Variants in GRM7 observed in about 807,000 individuals in gnomAD.
GRM7 encodes glutamate metabotropic receptor 7, also known as metabotropic glutamate receptor 7.
In GRM7, 35 loss-of-function variants were observed where a neutral mutation model predicts 84.5. The ratio of observed to expected loss-of-function variants is 0.41; its 90% CI spans 0.32 to 0.55. GRM7 has a LOEUF of 0.55. Among genes scored for constraint, GRM7 ranks in the 20% least tolerant of loss-of-function variants. GRM7 has a pLI of 0.19. For synonymous variants in GRM7, 487 were observed against 455.1 expected (o/e 1.07, Z -0.89); for missense variants, 1,003 against 1,194.6 (o/e 0.84, Z 2.36).
intron 1 of GRM7, among the ~76,000 whole-genome samples, chr3:6,887,401 C>T (rs1695740333): frequency 6.6e-6 from 1 of 151,370 alleles, no homozygotes; most frequent in African/African-American, 2.4e-5. Context: ...CCACAACAGT[C>T]CACAGAGTGT....
intron 8 of GRM7, among the ~76,000 whole-genome samples, chr3:7,653,161 C>T (rs928412843): frequency 7.2e-6 from 1 of 139,046 alleles, no homozygotes; most frequent in African/African-American, 2.8e-5. Flanking sequence ...TAGCACTTTC[C>T]ATTGTAACAT....
intron 9 of GRM7, among the ~76,000 whole-genome samples, chr3:7,691,559 T>G (rs549400380): frequency 6.6e-6 from 1 of 152,182 alleles, no homozygotes; most frequent in Non-Finnish European, 1.5e-5. Context: ...TGGCATGAGA[T>G]TCTGTATATG....
chr3:7,131,669 G>C (rs906461289), intron 1 of GRM7, among the ~76,000 whole-genome samples: 2 of 142,026 alleles, frequency 1.4e-5, no homozygotes, highest in Non-Finnish European at 3.1e-5. Flanking sequence ...AGTAGAGATG[G>C]GGTTTCACCA....
intron 7 of GRM7, among the ~76,000 whole-genome samples, chr3:7,476,891 G>C (rs1698943431): frequency 6.6e-6 from 1 of 152,110 alleles, no homozygotes; most frequent in Non-Finnish European, 1.5e-5. Context: ...CCACCAAACT[G>C]AATACTGGCC....
rs1699003262 is a variant in GRM7, at chr3:7,652,737, C to T, written c.2452-27312C>T. On this transcript the variant is annotated intron_variant, in intron 8 of 9. Coordinates refer to ENST00000357716, the MANE Select transcript of GRM7 (RefSeq NM_000844.4). ...CATGCCAGTCAAAATAAGCAAAACC[C>T]ATTTCAGTAAATTTACAGAAATTAT... Among the ~76,000 whole-genome samples, 3 of 152,180 alleles carry T rather than the reference C, an allele frequency of 2.0e-5. No individual in the cohort carries two copies. The South Asian group carries it at 6.2e-4, about 32-fold the overall frequency.
At chr3:7,270,780 A>G (rs910002676) in intron 2 of GRM7, among the ~76,000 whole-genome samples, 1 of 152,246 alleles carries the variant, frequency 6.6e-6, no homozygotes, top group Non-Finnish European at 1.5e-5. Context: ...GTCAATTTCT[A>G]TCCAAAGTAA....
intron 1 of GRM7, among the ~76,000 whole-genome samples, chr3:6,871,909 C>T (rs1695134937): frequency 6.6e-6 from 1 of 151,886 alleles, no homozygotes; most frequent in Non-Finnish European, 1.5e-5. Context: ...GTAGAGTTGG[C>T]ATAATAAAAT....
chr3:7,008,189 T>C (rs990794803), intron 1 of GRM7, among the ~76,000 whole-genome samples: 1 of 152,152 alleles, frequency 6.6e-6, no homozygotes, highest in Non-Finnish European at 1.5e-5. Flanking sequence ...GGATGAATTT[T>C]CTCATTGTGT....
Position 6,861,481 on chromosome 3 carries a change from G to A in GRM7, c.93G>A (p.Ala31=). The A allele has an allele frequency of 1.9e-6, 3 of 1,581,662 alleles. No individual in the cohort carries two copies. Among genetic ancestry groups the A allele is most frequent in the Non-Finnish European group, 2.6e-6 (3 of 1,167,380 alleles). Residue 31 remains alanine (A), a synonymous_variant, in exon 1 of 10, where the codon GCG becomes GCA. Coordinates refer to ENST00000357716, the MANE Select transcript of GRM7 (RefSeq NM_000844.4). This position sits in a 1 kb window ranked among gnomAD's most constrained non-coding sequence, Gnocchi z 6.4. ...LEVLLCALAA[A]ARGQEMYAPH... is the part of the protein sequence containing the mutation. ...TGCTCCTGTGCGCGCTGGCGGCGGC[G>A]GCGCGCGGCCAGGAGATGTACGCCC...
chr3:7,308,580 T>C (rs1700278302), intron 4 of GRM7, among the ~76,000 whole-genome samples: 1 of 152,184 alleles, frequency 6.6e-6, no homozygotes, highest in South Asian at 2.1e-4. Flanking sequence ...GCAAAGGGTC[T>C]TGAAAACTGT....
intron 4 of GRM7, among the ~76,000 whole-genome samples, chr3:7,364,028 A>G (rs1265601589): frequency 6.6e-6 from 1 of 152,022 alleles, no homozygotes; most frequent in Non-Finnish European, 1.5e-5. Context: ...TTATGGGTAT[A>G]TCCTGTAAAC....
intron 8 of GRM7, among the ~76,000 whole-genome samples, chr3:7,597,523 G>C (rs1696106445): frequency 6.6e-6 from 1 of 152,160 alleles, no homozygotes; most frequent in South Asian, 2.1e-4. Flanking sequence ...CAGTCCAGCA[G>C]ACTGTTCCAT....
At chr3:7,525,129 G>A (rs1239540) in intron 7 of GRM7, among the ~76,000 whole-genome samples, 1 of 148,298 alleles carries the variant, frequency 6.7e-6, no homozygotes, top group Non-Finnish European at 1.5e-5. Flanking sequence ...GTGGGGGTAG[G>A]GGGGAGGGAT....
intron 2 of GRM7, among the ~76,000 whole-genome samples, chr3:7,209,064 C>T (rs2124840269): frequency 6.6e-6 from 1 of 152,310 alleles, no homozygotes; most frequent in Middle Eastern, 3.4e-3. Flanking sequence ...CTACTTAACA[C>T]ATGTTAGTAC....
At chr3:7,553,016 T>C (rs928884906) in intron 7 of GRM7, among the ~76,000 whole-genome samples, 2 of 152,232 alleles carry the variant, frequency 1.3e-5, no homozygotes, top group Admixed American at 1.3e-4. Flanking sequence ...TAAGTTCCAA[T>C]TCCAAACCAT....
intron 2 of GRM7, among the ~76,000 whole-genome samples, chr3:7,176,805 C>A (rs866604919): frequency 6.6e-6 from 1 of 152,198 alleles, no homozygotes; most frequent in Non-Finnish European, 1.5e-5. Context: ...CACACCTCAA[C>A]TATTATTATA....
chr3:7,557,676 C>T (rs1693837112), intron 7 of GRM7, among the ~76,000 whole-genome samples: 1 of 152,102 alleles, frequency 6.6e-6, no homozygotes, highest in Non-Finnish European at 1.5e-5. Context: ...TATTTCATTA[C>T]AGGCTTGTAT....
At chr3:7,540,675 A>G (rs149173696) in intron 7 of GRM7, among the ~76,000 whole-genome samples, 2 of 152,308 alleles carry the variant, frequency 1.3e-5, no homozygotes, top group East Asian at 3.9e-4. Flanking sequence ...AAATACTTTA[A>G]GCCACTGACT....
At chr3:7,319,075 G>A (rs947981248) in intron 4 of GRM7, among the ~76,000 whole-genome samples, 3 of 151,938 alleles carry the variant, frequency 2.0e-5, no homozygotes, top group Non-Finnish European at 4.4e-5. Context: ...ATACCAGTAG[G>A]TCCTAGCAAA....
Sources: gnomAD v4.1 joint callset for allele counts (sites outside exome capture counted in the v4.1 genomes callset) on GRCh38, gnomAD v4.1.1 for gene constraint, Gnocchi (gnomAD v3.1) non-coding constraint, MANE v1.5 for transcripts, NCBI Gene and HGNC (gene_info 2026-07-23, HGNC 2026-07-21) for gene names.